The following IMMP2L variants were observed in gnomAD, a reference collection of about 807,000 sequenced individuals.
IMMP2L encodes the protein inner mitochondrial membrane peptidase subunit 2, also known as mitochondrial inner membrane protease subunit 2.
In IMMP2L, 18 loss-of-function variants were observed where a neutral mutation model predicts 19.3. The ratio of observed to expected loss-of-function variants is 0.93; its 90% CI spans 0.64 to 1.38. The LOEUF is 1.38. Ranked by LOEUF, IMMP2L falls within the 40% of genes most tolerant of loss-of-function variation. IMMP2L has a pLI of 0.00. For missense variants in IMMP2L, 233 were observed against 218.2 expected (o/e 1.07, Z -0.43); for synonymous variants, 76 against 73.0 (o/e 1.04, Z -0.21).
intron 3 of IMMP2L, among the ~76,000 whole-genome samples, chr7:111,322,238 C>A (rs2130511380): frequency 6.6e-6 from 1 of 151,796 alleles, no homozygotes; most frequent in Admixed American, 6.6e-5. Flanking sequence ...AAGGCTGGCC[C>A]CCAGATTCTT....
chr7:110,894,428 TTTAGGGGCATATAA>T (rs1563060960), intron 4 of IMMP2L, among the ~76,000 whole-genome samples: 3 of 152,186 alleles, frequency 2.0e-5, no homozygotes, highest in Non-Finnish European at 4.4e-5. Flanking sequence ...TTTTAGCCAT[TTTAGGGGCATATAA>T]TGGTTTTAAT....
chr7:111,037,074 G>A (rs1486215169), intron 3 of IMMP2L, among the ~76,000 whole-genome samples: 3 of 152,204 alleles, frequency 2.0e-5, no homozygotes, highest in East Asian at 3.9e-4. Flanking sequence ...GGATCACTCA[G>A]GCTGAAAATG....
At chr7:111,333,956 C>G (rs1826136326) in intron 3 of IMMP2L, among the ~76,000 whole-genome samples, 1 of 151,984 alleles carries the variant, frequency 6.6e-6, no homozygotes, top group African/African-American at 2.4e-5. Flanking sequence ...TCTAGAAAAC[C>G]CTGATACACT....
chr7:111,046,713 T>C (rs1792430905), intron 3 of IMMP2L, among the ~76,000 whole-genome samples: 1 of 152,186 alleles, frequency 6.6e-6, no homozygotes, highest in Non-Finnish European at 1.5e-5. Context: ...TTTATCTTAA[T>C]AATGAAATTA....
chr7:110,880,685 A>G (rs183704912), intron 5 of IMMP2L, among the ~76,000 whole-genome samples: 1 of 152,122 alleles, frequency 6.6e-6, no homozygotes, highest in African/African-American at 2.4e-5. Context: ...CTTCAACCTC[A>G]CTTTAAAAAA....
chr7:111,300,444 CAT>C, intron 3 of IMMP2L, among the ~76,000 whole-genome samples: 1 of 152,130 alleles, frequency 6.6e-6, no homozygotes, highest in Non-Finnish European at 1.5e-5. Flanking sequence ...AGAAATAATA[CAT>C]AGAGATCCCA....
rs564948630 is a variant in IMMP2L, at chr7:110,957,968, T to A, written c.305+5532A>T. Among the ~76,000 whole-genome samples the A allele has an allele frequency of 7.2e-5, 11 of 152,086 alleles. No homozygotes were observed. In the East Asian group the frequency reaches 1.6e-3, roughly 21 times the overall value. On this transcript the variant is annotated intron_variant, in intron 4 of 5. Coordinates refer to ENST00000405709, the MANE Select transcript of IMMP2L (RefSeq NM_032549.4). The stretch of plus-strand genomic sequence containing the variant: ...GCTTCTAACCACTAGAATGTAAGCA[T>A]CATGAGGGCAGGAACACTGTCTCTT...
rs139251144 is a variant in IMMP2L, at chr7:110,909,926, C to CAGAGAGAGAGAG, written c.306-23243_306-23232dup. 5.6e-4 allele frequency among the ~76,000 whole-genome samples: 82 copies of CAGAGAGAGAGAG among 145,820 alleles called. 1 individual carries two copies. Among genetic ancestry groups the CAGAGAGAGAGAG allele is most frequent in the African/African-American group, 1.8e-3 (73 of 39,798 alleles). On this transcript the variant is annotated intron_variant, in intron 4 of 5. Coordinates refer to ENST00000405709, the MANE Select transcript of IMMP2L (RefSeq NM_032549.4). Reference sequence around the variant, plus strand: ...AGAGAGAAAGAGAGAGAGAGATAGACAGAGAGAGAGAGAGAGAGAGAGAGA... The same window carrying CAGAGAGAGAGAG: ...AGAGAGAAAGAGAGAGAGAGATAGACAGAGAGAGAGAGAGAGAGAGAGAGAGAGAGAGAGAGA...
chr7:111,422,043 G>C (rs966937309), intron 3 of IMMP2L, among the ~76,000 whole-genome samples: 2 of 151,736 alleles, frequency 1.3e-5, no homozygotes, highest in Non-Finnish European at 2.9e-5. Flanking sequence ...TAGATGTGTG[G>C]TGTTATTTCT....
chr7:111,042,273 G>A (rs1341898868), intron 3 of IMMP2L, among the ~76,000 whole-genome samples: 7 of 152,042 alleles, frequency 4.6e-5, no homozygotes, highest in Admixed American at 4.6e-4. Context: ...TCTGCCTCCT[G>A]GGTTCCAGTG....
Position 110,943,228 on chromosome 7 carries a change from G to GACAGA in IMMP2L, c.305+20271_305+20272insTCTGT, listed in dbSNP as rs1281839980. On this transcript the variant is annotated intron_variant, in intron 4 of 5. Coordinates refer to ENST00000405709, the MANE Select transcript of IMMP2L (RefSeq NM_032549.4). Reference sequence around the variant, plus strand: ...TATTTTTAGGCCCTTTTGACAGTCAGCTCCTTGAAAAGAGAGTTTCTGACT... The same window carrying GACAGA: ...TATTTTTAGGCCCTTTTGACAGTCAGACAGACTCCTTGAAAAGAGAGTTTCTGACT... 3.9e-5 allele frequency among the ~76,000 whole-genome samples: 6 copies of GACAGA among 152,114 alleles called. No homozygotes were observed. In the East Asian group the frequency reaches 1.2e-3, roughly 29 times the overall value.
At chr7:111,236,179 T>G (rs1474645385) in intron 3 of IMMP2L, among the ~76,000 whole-genome samples, 1 of 152,092 alleles carries the variant, frequency 6.6e-6, no homozygotes, top group African/African-American at 2.4e-5. Flanking sequence ...TTCTCCTCAT[T>G]TTGTGTCATG....
intron 1 of IMMP2L, among the ~76,000 whole-genome samples, chr7:111,539,101 G>A (rs938492319): frequency 4.1e-5 from 6 of 145,370 alleles, no homozygotes; most frequent in Non-Finnish European, 9.0e-5. Context: ...CTTGGCGACA[G>A]AACAAGACTC....
At chr7:111,186,063 AT>A (rs1292089780) in intron 3 of IMMP2L, among the ~76,000 whole-genome samples, 3 of 152,174 alleles carry the variant, frequency 2.0e-5, no homozygotes, top group African/African-American at 7.2e-5. Flanking sequence ...AACATCACAA[AT>A]TTTAAAGTAT....
intron 5 of IMMP2L, among the ~76,000 whole-genome samples, chr7:110,769,744 A>G (rs1798915140): frequency 2.0e-5 from 3 of 152,174 alleles, no homozygotes; most frequent in Non-Finnish European, 4.4e-5. Flanking sequence ...AGTGAAAAAT[A>G]AAAAGAAAGA....
rs1299717761 is a variant in IMMP2L, at chr7:110,980,218, GTGC to G, written c.240-16656_240-16654del. Among the ~76,000 whole-genome samples the G allele has an allele frequency of 2.0e-4, 21 of 106,004 alleles. 1 individual carries two copies. In the South Asian group the frequency reaches 2.5e-3, roughly 13 times the overall value. 69.5% of individuals were successfully genotyped at this position (106,004 alleles called of 152,430 possible). On this transcript the variant is annotated intron_variant, in intron 3 of 5. Coordinates refer to ENST00000405709, the MANE Select transcript of IMMP2L (RefSeq NM_032549.4). Reference sequence around the variant, plus strand: ...TTAACTGGCTTATATGACTGTATTTGTGCTGCTTCTTTTTTTTTTTTTTTTTTT... The same window carrying G: ...TTAACTGGCTTATATGACTGTATTTGTGCTTCTTTTTTTTTTTTTTTTTTT...
intron 3 of IMMP2L, among the ~76,000 whole-genome samples, chr7:111,207,942 A>C (rs1235351452): frequency 6.6e-6 from 1 of 152,020 alleles, no homozygotes; most frequent in East Asian, 1.9e-4. Flanking sequence ...CCAATAGTTA[A>C]TCCATCCTCG....
chr7:111,095,209 T>C (rs1158792600), intron 3 of IMMP2L, among the ~76,000 whole-genome samples: 2 of 151,982 alleles, frequency 1.3e-5, no homozygotes, highest in Non-Finnish European at 2.9e-5. Flanking sequence ...TAGTAGCTAG[T>C]CTAATATGTT....
At chr7:111,218,653 T>A (rs1812214618) in intron 3 of IMMP2L, among the ~76,000 whole-genome samples, 1 of 152,070 alleles carries the variant, frequency 6.6e-6, no homozygotes, top group African/African-American at 2.4e-5. Flanking sequence ...CCAATTAACC[T>A]AGTTCATTAC....
Sources: gnomAD v4.1 joint callset for allele counts (sites outside exome capture counted in the v4.1 genomes callset) on GRCh38, gnomAD v4.1.1 for gene constraint, MANE v1.5 for transcripts, NCBI Gene and HGNC (gene_info 2026-07-23, HGNC 2026-07-21) for gene names.